Variants in NUMB observed in about 807,000 individuals in gnomAD.
NUMB encodes the protein protein numb homolog.
In NUMB, 29 loss-of-function variants were observed where a neutral mutation model predicts 59.7. The ratio of observed to expected loss-of-function variants is 0.49; its 90% CI spans 0.36 to 0.66. The LOEUF (loss-of-function observed/expected upper bound fraction) is 0.66, where lower values mean the gene tolerates loss of function less well. Ranked by LOEUF, NUMB falls within the 30% of genes least tolerant of loss-of-function variation. The pLI, the probability that NUMB is intolerant of heterozygous loss-of-function variation, is 0.00. For synonymous variants in NUMB, 288 were observed against 288.2 expected (o/e 1.00, Z 0.01); for missense variants, 723 against 822.0 (o/e 0.88, Z 1.47).
chr14:73,408,173 G>C (rs1337072432), intron 2 of NUMB, among the ~76,000 whole-genome samples: 1 of 151,776 alleles, frequency 6.6e-6, no homozygotes, highest in Non-Finnish European at 1.5e-5. Context: ...CTTGCAGTGA[G>C]CTGAGATTGC....
intron 5 of NUMB, among the ~76,000 whole-genome samples, chr14:73,318,559 C>A (rs1361395782): frequency 6.6e-6 from 1 of 152,146 alleles, no homozygotes; most frequent in African/African-American, 2.4e-5. Flanking sequence ...TAGAGTTAAG[C>A]AAGATAACCA....
At chr14:73,281,283 CTTG>C (rs1184188513) in intron 11 of NUMB, 2 of 151,336 alleles carry the variant, frequency 1.3e-5, no homozygotes, top group South Asian at 2.1e-4. Context: ...ACCTCACAGG[CTTG>C]TTGTGGGGAT....
intron 2 of NUMB, among the ~76,000 whole-genome samples, chr14:73,390,010 A>T (rs1275966352): frequency 6.6e-6 from 1 of 152,218 alleles, no homozygotes; most frequent in African/African-American, 2.4e-5. Context: ...TGTAAAGAAC[A>T]TTTTTAAAAA....
chr14:73,285,883 G>A (rs573288401), intron 9 of NUMB, among the ~76,000 whole-genome samples: 13 of 149,762 alleles, frequency 8.7e-5, no homozygotes, highest in Non-Finnish European at 1.3e-4. Context: ...CGGAGACTGC[G>A]CCACTACATT....
Position 73,440,229 on chromosome 14 carries a change from G to A in NUMB, c.-233+18264C>T, listed in dbSNP as rs12886481. Among the ~76,000 whole-genome samples the A allele has an allele frequency of 5.4e-4, 33 of 61,360 alleles. 1 individual carries two copies. The highest frequency in any genetic ancestry group is 8.6e-3 in the Middle Eastern group (1 of 116). The allele number at this position is 61,360 out of a possible 152,430, so 40.3% of individuals were successfully genotyped here. Reference sequence around the variant, plus strand: ...TATATGGATATCCATATATATATATGGATATCCATATATATATACATCCAT... The same window carrying A: ...TATATGGATATCCATATATATATATAGATATCCATATATATATACATCCAT... On this transcript the variant is annotated intron_variant, in intron 1 of 12. Transcript: ENST00000555238.
At chr14:73,288,114 G>C (rs548603738) in intron 8 of NUMB, among the ~76,000 whole-genome samples, 151 of 152,308 alleles carry the variant, frequency 9.9e-4, no homozygotes, top group African/African-American at 3.5e-3. Context: ...TATAATTCCA[G>C]TGATTAAAAA....
At chr14:73,342,152 C>T (rs1892669985) in intron 4 of NUMB, among the ~76,000 whole-genome samples, 1 of 152,234 alleles carries the variant, frequency 6.6e-6, no homozygotes, top group Admixed American at 6.5e-5. Flanking sequence ...CCGCCTCGGC[C>T]TCCCATAGTG....
intron 3 of NUMB, among the ~76,000 whole-genome samples, chr14:73,364,453 G>C (rs1894239788): frequency 6.6e-6 from 1 of 152,008 alleles, no homozygotes; most frequent in African/African-American, 2.4e-5. Context: ...GCAGTGGGCT[G>C]AGATTGCACC....
chr14:73,435,249 T>C (rs1898000127), intron 1 of NUMB, among the ~76,000 whole-genome samples: 1 of 151,266 alleles, frequency 6.6e-6, no homozygotes, highest in African/African-American at 2.4e-5. Context: ...ATGGTTCTCT[T>C]TGGAGAACCA....
At chr14:73,357,775 T>G (rs970760304) in intron 3 of NUMB, among the ~76,000 whole-genome samples, 1 of 149,890 alleles carries the variant, frequency 6.7e-6, no homozygotes, top group African/African-American at 2.5e-5. Flanking sequence ...AGAAATTAAG[T>G]AAATAAATAA....
intron 2 of NUMB, among the ~76,000 whole-genome samples, chr14:73,379,885 G>C (rs1010064242): frequency 6.6e-6 from 1 of 152,194 alleles, no homozygotes; most frequent in Non-Finnish European, 1.5e-5. Context: ...AAGTACTTGG[G>C]CTTCTGTTCC....
intron 4 of NUMB, among the ~76,000 whole-genome samples, chr14:73,324,896 T>A (rs1291161998): frequency 6.6e-6 from 1 of 152,130 alleles, no homozygotes; most frequent in Admixed American, 6.5e-5. Context: ...GCAAGTCCTT[T>A]TAATTATCAG....
Position 73,291,718 on chromosome 14 carries a change from C to G in NUMB, c.450+1016G>C, listed in dbSNP as rs1032500406. 2.7e-5 allele frequency among the ~76,000 whole-genome samples: 4 copies of G among 148,638 alleles called. No individual in the cohort carries two copies. In the East Asian group the frequency reaches 8.0e-4, roughly 30 times the overall value. ...TTTTTTTTTTGGCCAGAGTCTTGCT[C>G]TGTCACCCAGGATGGAGTCAGTGGC... On this transcript the variant is annotated intron_variant, in intron 8 of 12. Coordinates refer to ENST00000555238, the MANE Select transcript of NUMB (RefSeq NM_001005743.2).
At chr14:73,312,418 T>C (rs769318418) in intron 6 of NUMB, among the ~76,000 whole-genome samples, 8 of 151,604 alleles carry the variant, frequency 5.3e-5, no homozygotes, top group Non-Finnish European at 1.2e-4. Context: ...ATACAACACA[T>C]AAGCCATCGA....
At chr14:73,355,821 A>G in intron 3 of NUMB, 55 bp from the exon 4 acceptor site, 2 of 1,425,292 alleles carry the variant, frequency 1.4e-6, no homozygotes, top group Non-Finnish European at 9.6e-7. Context: ...TTACATATTT[A>G]AACTTTGGAT....
chr14:73,403,411 A>C lies in NUMB; in HGVS notation c.-101+6526T>G, dbSNP rs1413474712. 2.6e-5 allele frequency among the ~76,000 whole-genome samples: 4 copies of C among 152,330 alleles called. No individual in the cohort carries two copies. In the East Asian group the frequency reaches 7.7e-4, roughly 29 times the overall value. ...AACTGTAAGTAACTTCCTGGCTAATAATTAAAAACAAAGTCACATACTAGT... is the reference window on the plus strand; with the variant it reads ...AACTGTAAGTAACTTCCTGGCTAATCATTAAAAACAAAGTCACATACTAGT... On this transcript the variant is annotated intron_variant, in intron 2 of 12. Coordinates refer to ENST00000555238, the MANE Select transcript of NUMB (RefSeq NM_001005743.2).
intron 4 of NUMB, among the ~76,000 whole-genome samples, chr14:73,338,389 C>T (rs1892461607): frequency 6.6e-6 from 1 of 152,128 alleles, no homozygotes; most frequent in Non-Finnish European, 1.5e-5. Context: ...CAAAATATAT[C>T]CAGAATCTGA....
chr14:73,389,871 T>G (rs1326754616), intron 2 of NUMB, among the ~76,000 whole-genome samples: 3 of 152,186 alleles, frequency 2.0e-5, no homozygotes, highest in Non-Finnish European at 4.4e-5. Flanking sequence ...ACACAGGTTA[T>G]GTGCACCACC....
intron 1 of NUMB, among the ~76,000 whole-genome samples, chr14:73,426,453 T>C (rs967977639): frequency 2.0e-5 from 3 of 152,048 alleles, no homozygotes; most frequent in Non-Finnish European, 4.4e-5. Flanking sequence ...ACACTTGTAA[T>C]CTCAGCAATT....
Sources: allele counts gnomAD v4.1 joint callset (sites outside exome capture counted in the v4.1 genomes callset), GRCh38; gene constraint gnomAD v4.1.1; transcripts MANE v1.5; gene names NCBI Gene and HGNC (gene_info 2026-07-23, HGNC 2026-07-21).